The following RGS22 variants were observed in gnomAD, a reference collection of about 807,000 sequenced individuals.
RGS22 encodes regulator of G-protein signaling 22.
RGS22 carries 148 observed loss-of-function variants against 172.9 expected under a neutral mutation model. That is an observed-to-expected ratio of 0.86 (90% CI 0.75 to 0.98). The LOEUF is 0.98. Among genes scored for constraint, RGS22 ranks in the 50% least tolerant of loss-of-function variants. The probability of loss-of-function intolerance (pLI) is 0.00; values close to 1 mark genes in which losing one functional copy is unlikely to be tolerated. For missense variants in RGS22, 1,347 were observed against 1,440.8 expected (o/e 0.93, Z 1.05); for synonymous variants, 458 against 480.2 (o/e 0.95, Z 0.60).
Position 100,062,590 on chromosome 8 carries a change from C to A in RGS22, c.1514+1G>T. On this transcript the variant is annotated splice_donor_variant, in intron 9 of 27. Coordinates refer to ENST00000360863, the MANE Select transcript of RGS22 (RefSeq NM_015668.5). LOFTEE classifies it high-confidence loss of function. Reference sequence around the variant, plus strand: ...TAAGTAACTGATTCATGTTTTCTTACCAATACAGAAGTAAAGGTTTTAAAA... The same window carrying A: ...TAAGTAACTGATTCATGTTTTCTTAACAATACAGAAGTAAAGGTTTTAAAA... 6.3e-7 allele frequency: 1 copy of A among 1,577,100 alleles called. No individual in the cohort carries two copies. The highest frequency in any genetic ancestry group is 8.7e-7 in the Non-Finnish European group (1 of 1,154,164).
chr8:99,993,985 C>G (rs911191223), intron 20 of RGS22, among the ~76,000 whole-genome samples: 13 of 152,132 alleles, frequency 8.5e-5, no homozygotes, highest in African/African-American at 2.7e-4. Context: ...AAATGTAATC[C>G]ATCACATAAA....
At chr8:99,965,692 A>T (rs1810656686) in intron 23 of RGS22, among the ~76,000 whole-genome samples, 1 of 152,158 alleles carries the variant, frequency 6.6e-6, no homozygotes, top group South Asian at 2.1e-4. Context: ...AAATTCTGGA[A>T]TCCAAGAAAA....
At chr8:100,074,263 A>C (rs954736280) in intron 4 of RGS22, among the ~76,000 whole-genome samples, 1 of 152,256 alleles carries the variant, frequency 6.6e-6, no homozygotes. Flanking sequence ...AATAGATCTT[A>C]TTGGTTAGAT....
intron 9 of RGS22, among the ~76,000 whole-genome samples, chr8:100,053,181 T>A (rs1821865305): frequency 6.6e-6 from 1 of 152,108 alleles, no homozygotes; most frequent in Admixed American, 6.6e-5. Flanking sequence ...CATTGACTCA[T>A]ACAAAAAGGC....
At chr8:100,055,521 C>T (rs775315418) in intron 9 of RGS22, among the ~76,000 whole-genome samples, 3 of 152,106 alleles carry the variant, frequency 2.0e-5, no homozygotes, top group Non-Finnish European at 2.9e-5. Context: ...AGGATGGGTA[C>T]AAAAAAGCCC....
chr8:99,966,519 G>A (rs1280333943), intron 23 of RGS22, among the ~76,000 whole-genome samples: 1 of 151,312 alleles, frequency 6.6e-6, no homozygotes, highest in African/African-American at 2.4e-5. Flanking sequence ...TAACAAAAAA[G>A]AACCATGTAT....
chr8:100,067,165 G>A (rs904436205), intron 6 of RGS22, among the ~76,000 whole-genome samples: 13 of 152,084 alleles, frequency 8.5e-5, no homozygotes, highest in African/African-American at 3.1e-4. Context: ...AGAAACACTT[G>A]GAGAATAGGT....
At chr8:100,051,391 AT>A (rs550369873) in intron 10 of RGS22, among the ~76,000 whole-genome samples, 12 of 131,952 alleles carry the variant, frequency 9.1e-5, no homozygotes, top group East Asian at 2.1e-4. Context: ...TTTTATATAT[AT>A]TTTTATATAT....
At position 100,072,245 on chromosome 8, in the gene RGS22, A is replaced by C; in HGVS notation, c.340-15T>G. On this transcript the variant is annotated splice_polypyrimidine_tract_variant and intron_variant, in intron 4 of 27. Transcript: ENST00000360863. ...CGACTGAGACACTATGAGAAGAAAG[A>C]GAAAAAGAAAAAGAAGGTCAGAGAA... 6.8e-7 allele frequency: 1 copy of C among 1,481,064 alleles called. No homozygotes were observed. The highest frequency in any genetic ancestry group is 9.2e-7 in the Non-Finnish European group (1 of 1,086,504). The allele number at this position is 1,481,064 out of a possible 1,614,324, so 91.7% of individuals were successfully genotyped here.
chr8:100,062,110 A>G (rs562865513), intron 9 of RGS22, among the ~76,000 whole-genome samples: 1 of 152,156 alleles, frequency 6.6e-6, no homozygotes, highest in Non-Finnish European at 1.5e-5. Context: ...GAACACATGG[A>G]TACACAGAGG....
rs1196018860 is a variant in RGS22 at position 100,062,665 on chromosome 8, T to C, written c.1440A>G (p.Leu480=). 3.1e-6 allele frequency: 5 copies of C among 1,601,510 alleles called. No homozygotes were observed. In the Admixed American group the frequency reaches 6.9e-5, roughly 22 times the overall value. The part of the protein sequence containing the change: ...SAEILSKFKL[L]DGSQWNEEHL... ...GCTCTTCATTCCACTGTGATCCATC[T>C]AACAGTTTAAATTTTGATAAGATTT... The change falls in exon 9 of 28, where the codon TTA becomes TTG. Residue 480 remains leucine, a synonymous_variant. Transcript: ENST00000360863.
chr8:99,968,399 A>C (rs1160635560), intron 23 of RGS22, among the ~76,000 whole-genome samples: 1 of 152,148 alleles, frequency 6.6e-6, no homozygotes, highest in Non-Finnish European at 1.5e-5. Flanking sequence ...AATTGACAGA[A>C]ATAGGCTTCA....
At chr8:100,026,879 A>G (rs1384379026) in intron 14 of RGS22, among the ~76,000 whole-genome samples, 1 of 152,202 alleles carries the variant, frequency 6.6e-6, no homozygotes, top group Non-Finnish European at 1.5e-5. Context: ...GTAAAACAAA[A>G]CAATAACCAA....
chr8:100,043,799 C>A (rs1294586533), intron 11 of RGS22, among the ~76,000 whole-genome samples: 5 of 150,234 alleles, frequency 3.3e-5, no homozygotes, highest in Admixed American at 2.0e-4. Flanking sequence ...CAAAACAAAA[C>A]AAAAAAAACC....
At chr8:99,999,907 T>A (rs1166739519) in intron 18 of RGS22, among the ~76,000 whole-genome samples, 2 of 152,138 alleles carry the variant, frequency 1.3e-5, no homozygotes, top group Non-Finnish European at 2.9e-5. Flanking sequence ...CCAACAAATG[T>A]TGGGTTGGAG....
chr8:100,038,155 A>C (rs531401264), intron 14 of RGS22, among the ~76,000 whole-genome samples: 1 of 152,326 alleles, frequency 6.6e-6, no homozygotes, highest in South Asian at 2.1e-4. Context: ...CAGATATAGA[A>C]GTGATTAGCA....
intron 19 of RGS22, among the ~76,000 whole-genome samples, chr8:99,998,554 T>C (rs1786012282): frequency 6.6e-6 from 1 of 152,100 alleles, no homozygotes; most frequent in Admixed American, 6.6e-5. Context: ...TGCACTCCAG[T>C]TTGGACACTG....
intron 23 of RGS22, among the ~76,000 whole-genome samples, chr8:99,974,172 T>C (rs1191842214): frequency 1.3e-5 from 2 of 152,170 alleles, no homozygotes; most frequent in Admixed American, 6.5e-5. Context: ...AGAGAGTAAT[T>C]TGTAAATGTG....
At chr8:100,008,354 A>G in intron 15 of RGS22, 21 bp downstream of exon 15, 1 of 1,597,260 alleles carries the variant, frequency 6.3e-7, no homozygotes. Context: ...TTTCACACTC[A>G]ATTTATCGGT....
Sources: gnomAD v4.1 joint callset for allele counts (sites outside exome capture counted in the v4.1 genomes callset) on GRCh38, gnomAD v4.1.1 for gene constraint, MANE v1.5 for transcripts, NCBI Gene and HGNC (gene_info 2026-07-23, HGNC 2026-07-21) for gene names.